Variants in RCBTB2 observed in about 807,000 individuals in gnomAD.
RCBTB2 encodes the protein RCC1 and BTB domain-containing protein 2.
Under a neutral mutation model 65.4 loss-of-function variants are expected in RCBTB2, and 55 were observed. The observed-to-expected ratio is 0.84, with a 90% CI of 0.68 to 1.05. The LOEUF (loss-of-function observed/expected upper bound fraction) is 1.05. Ranked by LOEUF, RCBTB2 falls within the 50% of genes least tolerant of loss-of-function variation. The pLI, the probability that RCBTB2 is intolerant of heterozygous loss-of-function variation, is 0.00. For synonymous variants in RCBTB2, 220 were observed against 255.2 expected (o/e 0.86, Z 1.31); for missense variants, 599 against 680.1 (o/e 0.88, Z 1.33).
At chr13:48,499,111 A>ACACACACACAC (rs1950107608) in intron 13 of RCBTB2, among the ~76,000 whole-genome samples, 1 of 105,914 alleles carries the variant, frequency 9.4e-6, no homozygotes, top group African/African-American at 4.3e-5. Context: ...CCCCCACCCC[A>ACACACACACAC]ACACACACAC....
intron 13 of RCBTB2, among the ~76,000 whole-genome samples, chr13:48,496,753 AG>A (rs1479276510): frequency 2.9e-5 from 4 of 137,426 alleles, no homozygotes; most frequent in Non-Finnish European, 4.7e-5. Context: ...AAGAGAGGAC[AG>A]GAGAGGGAGG....
intron 1 of RCBTB2, among the ~76,000 whole-genome samples, chr13:48,530,918 A>G (rs1454729926): frequency 6.6e-6 from 1 of 152,210 alleles, no homozygotes; most frequent in Non-Finnish European, 1.5e-5. Flanking sequence ...AGAGCACGAT[A>G]AAGAACGTTT....
At chr13:48,500,471 T>A (rs923940184) in intron 12 of RCBTB2, among the ~76,000 whole-genome samples, 2 of 152,014 alleles carry the variant, frequency 1.3e-5, no homozygotes, top group East Asian at 3.9e-4. Flanking sequence ...GGCAGGAGAA[T>A]CACTTGAACC....
chr13:48,501,838 G>A lies in RCBTB2; in HGVS notation c.1148C>T (p.Ser383Leu), dbSNP rs145348673. The change falls in exon 12 of 15, where the codon TCA becomes TTA. Residue 383 changes from serine (S) to leucine (L), a missense_variant. Physicochemically the swap from Ser to Leu is moderately radical, Grantham distance 145 (BLOSUM62 -2). Transcript: ENST00000344532. ...EPDDHLTVAESLKREFDNPDT... is the reference protein window; with the variant it reads ...EPDDHLTVAELLKREFDNPDT... ...CGGGTTGTCAAATTCCCTCTTCAGT[G>A]ACTCAGCCACTGTGAGGTGGTCATC... The A allele has an allele frequency of 7.0e-5, 113 of 1,613,826 alleles. No individual in the cohort carries two copies. The highest frequency in any genetic ancestry group is 9.0e-5 in the Non-Finnish European group (106 of 1,179,872).
intron 10 of RCBTB2, among the ~76,000 whole-genome samples, chr13:48,509,528 G>A (rs1165008246): frequency 6.6e-6 from 1 of 152,112 alleles, no homozygotes; most frequent in African/African-American, 2.4e-5. Flanking sequence ...TGAATGAACA[G>A]CTGCAGGCAT....
At chr13:48,510,924 A>C (rs566495377) in intron 9 of RCBTB2, among the ~76,000 whole-genome samples, 153 bp from the exon 10 acceptor site, 46 of 152,346 alleles carry the variant, frequency 3.0e-4, no homozygotes, top group African/African-American at 9.1e-4. Context: ...TCCTTCCAGA[A>C]CATGTGGGCC....
At chr13:48,500,104 C>T (rs1307654601) in intron 12 of RCBTB2, among the ~76,000 whole-genome samples, 10 of 152,290 alleles carry the variant, frequency 6.6e-5, no homozygotes, top group South Asian at 2.1e-4. Flanking sequence ...CACTCCATTA[C>T]GGGTTGAATG....
chr13:48,496,373 AC>A, intron 13 of RCBTB2, 52 bp from the exon 14 acceptor site: 1 of 1,468,978 alleles, frequency 6.8e-7, no homozygotes, highest in African/African-American at 1.4e-5. Flanking sequence ...ATCCTGATTT[AC>A]AGTTGCTCAC....
At chr13:48,497,118 A>C (rs1166305180) in intron 13 of RCBTB2, among the ~76,000 whole-genome samples, 4 of 152,092 alleles carry the variant, frequency 2.6e-5, no homozygotes, top group Non-Finnish European at 5.9e-5. Context: ...ATTTACACAG[A>C]ATTTGATATG....
At chr13:48,497,200 A>G (rs1950021841) in intron 13 of RCBTB2, among the ~76,000 whole-genome samples, 1 of 152,158 alleles carries the variant, frequency 6.6e-6, no homozygotes, top group Non-Finnish European at 1.5e-5. Flanking sequence ...GTTGCTCCTC[A>G]GTTCTCTAGG....
intron 4 of RCBTB2, among the ~76,000 whole-genome samples, chr13:48,520,530 C>T (rs576504500): frequency 1.3e-5 from 2 of 152,322 alleles, no homozygotes; most frequent in East Asian, 1.9e-4. Context: ...ACTTTTCTCA[C>T]ATCTAGTCCA....
rs1002534800 is a variant in RCBTB2 at position 48,502,852 on chromosome 13, T to C, written c.989A>G (p.His330Arg). Residue 330 changes from histidine to arginine, a missense_variant, in exon 11 of 15, where the codon CAC (histidine) becomes CGC (arginine). By Grantham distance (29) the His-to-Arg change is conservative. Transcript: ENST00000344532. ...CCGGCACTGGCCCCACATGTACACGTGCCCACCCTGCGTCTTGGCCGCAGA... is the reference window on the plus strand; with the variant it reads ...CCGGCACTGGCCCCACATGTACACGCGCCCACCCTGCGTCTTGGCCGCAGA... ...HTSAAKTQGGHVYMWGQCRGQ... is the reference protein window; with the variant it reads ...HTSAAKTQGGRVYMWGQCRGQ... 1 of 1,614,184 alleles carries C rather than the reference T, an allele frequency of 6.2e-7. No homozygotes were observed. The highest frequency in any genetic ancestry group is 1.3e-5 in the African/African-American group (1 of 75,050).
intron 1 of RCBTB2, chr13:48,532,700 G>C (rs1952220667): frequency 1.5e-5 from 4 of 270,866 alleles, no homozygotes; most frequent in South Asian, 1.2e-4. Context: ...TGGGCCGGCG[G>C]CCTGGGCAGG....
intron 13 of RCBTB2, 72 bp from the exon 14 acceptor site, chr13:48,496,393 T>G: frequency 7.1e-7 from 1 of 1,407,548 alleles, no homozygotes. Flanking sequence ...ACTCAGCCAC[T>G]CAGAGATGAT....
At chr13:48,521,068 T>G (rs1222430295) in intron 4 of RCBTB2, among the ~76,000 whole-genome samples, 1 of 152,194 alleles carries the variant, frequency 6.6e-6, no homozygotes, top group African/African-American at 2.4e-5. Context: ...AAACTATTCT[T>G]TATTTTATGA....
At chr13:48,511,385 A>AT (rs145099808) in intron 9 of RCBTB2, among the ~76,000 whole-genome samples, 16 of 151,956 alleles carry the variant, frequency 1.1e-4, no homozygotes, top group Non-Finnish European at 1.3e-4. Context: ...TGTTACACCT[A>AT]TTTTTTTTAT....
upstream of RCBTB2, chr13:48,533,131 C>T: frequency 2.4e-6 from 1 of 413,438 alleles, no homozygotes; most frequent in Non-Finnish European, 4.9e-6. Context: ...CCTGAAACGG[C>T]CCGGCCTCGG....
In RCBTB2 at chr13:48,490,092, A is replaced by C; in HGVS notation, c.*19T>G. On this transcript the variant is annotated 3_prime_UTR_variant, in exon 15 of 15. Transcript: ENST00000344532. ...TGCAGGGGAAATGGAAAGGCTCAAA[A>C]ACTTTCCTGCAGATGGGATCAATTT... 1.9e-6 allele frequency: 3 copies of C among 1,613,650 alleles called. No individual in the cohort carries two copies. In the South Asian group the frequency reaches 3.3e-5, roughly 18 times the overall value.
intron 13 of RCBTB2, among the ~76,000 whole-genome samples, chr13:48,497,270 C>G (rs1950024778): frequency 6.6e-6 from 1 of 152,154 alleles, no homozygotes; most frequent in Admixed American, 6.5e-5. Context: ...TCCTCAGACA[C>G]TTTCCTCACT....
Sources: gnomAD v4.1 joint callset for allele counts (sites outside exome capture counted in the v4.1 genomes callset) on GRCh38, gnomAD v4.1.1 for gene constraint, MANE v1.5 for transcripts, NCBI Gene and HGNC (gene_info 2026-07-23, HGNC 2026-07-21) for gene names.